TRIM24: variants seen among roughly 807,000 people sequenced by gnomAD.
The protein encoded by TRIM24 is transcription intermediary factor 1-alpha.
TRIM24 carries 29 observed loss-of-function variants against 123.9 expected under a neutral mutation model. That is an observed-to-expected ratio of 0.23 (90% CI 0.17 to 0.32). The LOEUF (loss-of-function observed/expected upper bound fraction) is 0.32, where lower values mean the gene tolerates loss of function less well. TRIM24 is among the 10% of genes least tolerant of loss of function. The pLI is 1.00. For synonymous variants in TRIM24, 456 were observed against 461.1 expected, an observed-to-expected ratio of 0.99 and a Z score of 0.14; for missense variants, 932 against 1,295.3, an observed-to-expected ratio of 0.72 and a Z score of 4.31.
intron 7 of TRIM24, among the ~76,000 whole-genome samples, chr7:138,541,806 A>G (rs1797010357): frequency 6.6e-6 from 1 of 152,170 alleles, no homozygotes; most frequent in South Asian, 2.1e-4. Context: ...TTCGTCAATG[A>G]TCTTAGCTGT....
intron 1 of TRIM24, among the ~76,000 whole-genome samples, chr7:138,495,560 T>A (rs560565018): frequency 2.0e-5 from 3 of 152,216 alleles, no homozygotes; most frequent in Non-Finnish European, 2.9e-5. Context: ...TCTTTGTATT[T>A]AAGGCTTCTC....
At chr7:138,546,616 G>T (rs537023618) in intron 7 of TRIM24, among the ~76,000 whole-genome samples, 3 of 152,198 alleles carry the variant, frequency 2.0e-5, no homozygotes, top group Non-Finnish European at 2.9e-5. Flanking sequence ...GACTAATAAC[G>T]TGTGTAGGAG....
chr7:138,587,799 T>C lies in TRIM24; in HGVS notation c.*2848T>C, dbSNP rs923119655. 6 of 152,254 alleles carry C rather than the reference T, an allele frequency of 3.9e-5. No individual in the cohort carries two copies. Among genetic ancestry groups the C allele is most frequent in the African/African-American group, 1.4e-4 (6 of 41,450 alleles). The allele number at this position is 152,254 out of a possible 1,614,324, so 9.4% of individuals were successfully genotyped here. On this transcript the variant is annotated 3_prime_UTR_variant, in exon 19 of 19. Coordinates refer to ENST00000343526, the MANE Select transcript of TRIM24 (RefSeq NM_015905.3). ...GGTGCCAAGCAACTGACTTTTCCTG[T>C]GTAAGGAAGCCCAAGTACTTGACCA...
At position 138,585,408 on chromosome 7, in the gene TRIM24, C is replaced by G; in HGVS notation, c.*457C>G. 1 of 236,056 alleles carries G rather than the reference C, an allele frequency of 4.2e-6. No individual in the cohort carries two copies. The highest frequency in any genetic ancestry group is 8.3e-6 in the Non-Finnish European group (1 of 120,818). The allele number at this position is 236,056 out of a possible 1,614,324, so 14.6% of individuals were successfully genotyped here. On this transcript the variant is annotated 3_prime_UTR_variant, in exon 19 of 19. Coordinates refer to ENST00000343526, the MANE Select transcript of TRIM24 (RefSeq NM_015905.3). ...ACTACCCGTGAATTATATGGCCTGA[C>G]AATATGAATTAGGTGTACTGTACTG...
chr7:138,466,916 T>A (rs2116447251), intron 1 of TRIM24, among the ~76,000 whole-genome samples: 1 of 152,376 alleles, frequency 6.6e-6, no homozygotes, highest in East Asian at 1.9e-4. Flanking sequence ...CCAGCATTTT[T>A]ATAGTTTTAG....
At chr7:138,568,323 G>A (rs146590083) in intron 10 of TRIM24, among the ~76,000 whole-genome samples, 5,299 of 142,074 alleles carry the variant, frequency 0.037, 148 homozygotes, top group Middle Eastern at 0.1. Flanking sequence ...GGGTTTCACC[G>A]TGTTAGCCAG....
intron 8 of TRIM24, among the ~76,000 whole-genome samples, chr7:138,553,558 C>T (rs901360110): frequency 2.0e-5 from 3 of 151,976 alleles, no homozygotes; most frequent in African/African-American, 4.8e-5. Flanking sequence ...TCAAGGGCAC[C>T]GTTAAACTCT....
At chr7:138,506,484 A>G (rs1284745505) in intron 2 of TRIM24, among the ~76,000 whole-genome samples, 1 of 152,222 alleles carries the variant, frequency 6.6e-6, no homozygotes, top group African/African-American at 2.4e-5. Context: ...AGAAAACTAA[A>G]AAATACAGTA....
Position 138,483,250 on chromosome 7 carries a change from AT to A in TRIM24, c.365-21031del, listed in dbSNP as rs544636932. Among the ~76,000 whole-genome samples the A allele has an allele frequency of 4.3e-4, 66 of 151,940 alleles. No individual in the cohort carries two copies. The East Asian group carries it at 0.012, about 27-fold the overall frequency. ...TGTGCCTGGACCCAAATGTTAAAAA[AT>A]TTTTTTTTCAATAACTTTGTTAAAT... On this transcript the variant is annotated intron_variant, in intron 1 of 18. Coordinates refer to ENST00000343526, the MANE Select transcript of TRIM24 (RefSeq NM_015905.3).
chr7:138,527,794 A>C (rs1220394524), intron 5 of TRIM24, among the ~76,000 whole-genome samples: 3 of 151,960 alleles, frequency 2.0e-5, no homozygotes, highest in Non-Finnish European at 2.9e-5. Context: ...GAATCAGGAG[A>C]CTGGAGAGAC....
chr7:138,570,715 C>G, intron 10 of TRIM24, 115 bp from the exon 11 acceptor site: 1 of 1,012,032 alleles, frequency 9.9e-7, no homozygotes, highest in Non-Finnish European at 1.4e-6. Flanking sequence ...TCCCATTCTC[C>G]TTCCATGTAA....
At chr7:138,517,879 G>T (rs533982813) in intron 3 of TRIM24, among the ~76,000 whole-genome samples, 1 of 151,902 alleles carries the variant, frequency 6.6e-6, no homozygotes, top group Non-Finnish European at 1.5e-5. Context: ...TTTCTCTCTC[G>T]CATTTATTAA....
chr7:138,519,527 A>G (rs1796464747), intron 4 of TRIM24, among the ~76,000 whole-genome samples: 1 of 152,130 alleles, frequency 6.6e-6, no homozygotes, highest in African/African-American at 2.4e-5. Flanking sequence ...TCTGTGCATT[A>G]TATGGTGGTC....
Position 138,579,266 on chromosome 7 carries a change from TGAG to T in TRIM24, c.2323_2325del (p.Glu775del), listed in dbSNP as rs1351324801. On this transcript the variant is annotated inframe_deletion, in exon 15 of 19. Coordinates refer to ENST00000343526, the MANE Select transcript of TRIM24 (RefSeq NM_015905.3). ...TAAATAGCAGTCAGAGCTCTACTTCTGAGGAGACTGTGCTAAGATCAGATGCCC... is the reference window on the plus strand; with the variant it reads ...TAAATAGCAGTCAGAGCTCTACTTCTGAGACTGTGCTAAGATCAGATGCCC... 1.2e-6 allele frequency: 2 copies of T among 1,613,972 alleles called. No homozygotes were observed. Among genetic ancestry groups the T allele is most frequent in the Admixed American group, 1.7e-5 (1 of 59,998 alleles).
At chr7:138,484,688 C>G (rs534825623) in intron 1 of TRIM24, among the ~76,000 whole-genome samples, 4 of 151,886 alleles carry the variant, frequency 2.6e-5, no homozygotes, top group Non-Finnish European at 4.4e-5. Flanking sequence ...TAGAGTTAGG[C>G]GAACTTCATA....
At position 138,490,056 on chromosome 7, in the gene TRIM24, A is replaced by C. The variant is rs925814364; in HGVS notation, c.365-14234A>C. Among the ~76,000 whole-genome samples the C allele has an allele frequency of 3.3e-5, 5 of 150,934 alleles. No individual in the cohort carries two copies. The East Asian group carries it at 7.8e-4, about 24-fold the overall frequency. On this transcript the variant is annotated intron_variant, in intron 1 of 18. Transcript: ENST00000343526. ...TTGGAGGCTTTGTTCATTTCTTTTT[A>C]CTCTTTTTTCTCTAAACTTCTCTTC...
chr7:138,520,500 T>A (rs1796484481), intron 4 of TRIM24, among the ~76,000 whole-genome samples: 1 of 152,130 alleles, frequency 6.6e-6, no homozygotes, highest in Non-Finnish European at 1.5e-5. Flanking sequence ...GTTAGGAGAT[T>A]AGACAATGCG....
intron 1 of TRIM24, among the ~76,000 whole-genome samples, chr7:138,487,275 C>T (rs900988957): frequency 6.6e-6 from 1 of 152,148 alleles, no homozygotes; most frequent in Non-Finnish European, 1.5e-5. Context: ...ACAATCATGT[C>T]ATCTGCAAAC....
At chr7:138,492,843 T>C (rs998443496) in intron 1 of TRIM24, among the ~76,000 whole-genome samples, 3 of 152,222 alleles carry the variant, frequency 2.0e-5, no homozygotes, top group African/African-American at 4.8e-5. Flanking sequence ...GTATTAATTA[T>C]TCCATATGTT....
Sources: gnomAD v4.1 joint callset for allele counts (sites outside exome capture counted in the v4.1 genomes callset) on GRCh38, gnomAD v4.1.1 for gene constraint, MANE v1.5 for transcripts, NCBI Gene and HGNC (gene_info 2026-07-23, HGNC 2026-07-21) for gene names.